The following AMD1 variants were observed in gnomAD, a reference collection of about 807,000 sequenced individuals.
The protein encoded by AMD1 is S-adenosylmethionine decarboxylase proenzyme.
AMD1 carries 11 observed loss-of-function variants against 40.2 expected under a neutral mutation model. That is an observed-to-expected ratio of 0.27 (90% CI 0.17 to 0.45). The LOEUF is 0.45. AMD1 is among the 20% of genes least tolerant of loss of function. AMD1 has a pLI of 1.00. For missense variants in AMD1, 257 were observed against 410.2 expected (o/e 0.63, Z 3.23); for synonymous variants, 121 against 130.8 (o/e 0.93, Z 0.51).
At chr6:110,815,253 G>GCA in the AMD1 span, 2 of 1,180,654 alleles carry the variant, frequency 1.7e-6, no homozygotes. Flanking sequence ...GCGCGCGCGC[G>GCA]CGCGCCGCCC....
the AMD1 span, among the ~76,000 whole-genome samples, chr6:110,845,610 A>T: frequency 6.6e-6 from 1 of 152,230 alleles, no homozygotes; most frequent in African/African-American, 2.4e-5. Context: ...CTGTTGGGTC[A>T]TTAAACTCCT....
At chr6:110,821,135 A>G in the AMD1 span, among the ~76,000 whole-genome samples, 2 of 152,342 alleles carry the variant, frequency 1.3e-5, no homozygotes, top group African/African-American at 4.8e-5. Context: ...AGAGAACTTC[A>G]GAGAATAGCC....
the AMD1 span, among the ~76,000 whole-genome samples, chr6:110,844,369 G>T: frequency 1.2e-4 from 18 of 151,268 alleles, no homozygotes; most frequent in Non-Finnish European, 2.2e-4. Flanking sequence ...TGTTGGTCTC[G>T]CTGGTCTCAA....
chr6:110,874,898 C>T lies in AMD1; in HGVS notation c.-208C>T, dbSNP rs1785014023. ...TCTGCCTCTATTTCCAAAAGACTCA[C>T]GTTCAACTTTCGCTCACACAAAGCC... On this transcript the variant is annotated 5_prime_UTR_variant, in exon 1 of 9. It adds an upstream start codon to the 5' untranslated region. Transcript: ENST00000368885. 2 of 554,958 alleles carry T rather than the reference C, an allele frequency of 3.6e-6. No homozygotes were observed. Among genetic ancestry groups the T allele is most frequent in the Non-Finnish European group, 6.4e-6 (2 of 312,322 alleles). 34.4% of individuals were successfully genotyped at this position (554,958 alleles called of 1,614,324 possible).
chr6:110,855,089 T>TTTTTTTTTTTTTA, the AMD1 span, among the ~76,000 whole-genome samples: 3 of 146,896 alleles, frequency 2.0e-5, no homozygotes, highest in Non-Finnish European at 3.0e-5. Flanking sequence ...TTTTTTTTTT[T>TTTTTTTTTTTTTA]GAGAGAATTG....
chr6:110,821,050 C>T, the AMD1 span, among the ~76,000 whole-genome samples: 2 of 152,148 alleles, frequency 1.3e-5, no homozygotes, highest in African/African-American at 2.4e-5. Flanking sequence ...TTTTAATCTT[C>T]GCTGGTTAAT....
rs145532276 is a variant in AMD1, at chr6:110,882,255, G to T, written c.111-5250G>T. On this transcript the variant is annotated intron_variant, in intron 1 of 8. Coordinates refer to ENST00000368885, the MANE Select transcript of AMD1 (RefSeq NM_001634.6). ...CTCTGTCGACTGTATAAAGCACTTT[G>T]TCTTTTCCATCATTAATTTGATCAG... Among the ~76,000 whole-genome samples the T allele has an allele frequency of 7.9e-5, 12 of 152,282 alleles. No homozygotes were observed. In the East Asian group the frequency reaches 1.9e-3, roughly 24 times the overall value.
chr6:110,865,453 G>T, the AMD1 span, among the ~76,000 whole-genome samples: 1 of 152,178 alleles, frequency 6.6e-6, no homozygotes, highest in Admixed American at 6.5e-5. Context: ...AAGCACAGTG[G>T]CGTGATCTTG....
Position 110,893,459 on chromosome 6 carries a change from T to C in AMD1, c.865-17T>C. The C allele has an allele frequency of 1.2e-6, 2 of 1,612,248 alleles. No homozygotes were observed. Among genetic ancestry groups the C allele is most frequent in the Non-Finnish European group, 1.7e-6 (2 of 1,179,300 alleles). On this transcript the variant is annotated splice_polypyrimidine_tract_variant and intron_variant, in intron 8 of 8. Coordinates refer to ENST00000368885, the MANE Select transcript of AMD1 (RefSeq NM_001634.6). ...CTGGATTGCAAACACTAACGGTTAT[T>C]TAATTTTTTCCCCCAGAGTTCTAAA...
At chr6:110,815,273 C>A in the AMD1 span, 9 of 1,028,196 alleles carry the variant, frequency 8.8e-6, no homozygotes, top group Non-Finnish European at 1.2e-5. Context: ...CGCCGCCCGC[C>A]GCTCCGCGGT....
At chr6:110,861,495 G>C in the AMD1 span, among the ~76,000 whole-genome samples, 3 of 151,814 alleles carry the variant, frequency 2.0e-5, no homozygotes. Context: ...CTGCACTCCA[G>C]CCTGGGCAAC....
intron 4 of AMD1, 53 bp downstream of exon 4, chr6:110,890,409 A>G (rs1011512501): frequency 3.2e-6 from 4 of 1,259,654 alleles, no homozygotes; most frequent in Non-Finnish European, 3.4e-6. Context: ...AGAAAGTGCA[A>G]CCTCAGAGAT....
Position 110,887,533 on chromosome 6 carries a change from G to A in AMD1, c.139G>A (p.Val47Met), listed in dbSNP as rs759978656. The A allele has an allele frequency of 6.2e-7, 1 of 1,609,522 alleles. No individual in the cohort carries two copies. The highest frequency in any genetic ancestry group is 8.5e-7 in the Non-Finnish European group (1 of 1,178,384). ...TGAGTGGGACATACTTTTGAAGGATGTGCAATGTTCAATCATAAGTGTGAC... is the reference window on the plus strand; with the variant it reads ...TGAGTGGGACATACTTTTGAAGGATATGCAATGTTCAATCATAAGTGTGAC... ...RSEWDILLKDVQCSIISVTKT... is the reference protein window; with the variant it reads ...RSEWDILLKDMQCSIISVTKT... The change falls in exon 2 of 9, where the codon GTG becomes ATG. Residue 47 changes from valine to methionine, a missense_variant. Val to Met is a conservative substitution (Grantham distance 21). Transcript: ENST00000368885.
At position 110,893,777 on chromosome 6, in the gene AMD1, A is replaced by T; in HGVS notation, c.*161A>T. The T allele has an allele frequency of 1.3e-6, 1 of 745,114 alleles. No homozygotes were observed. Among genetic ancestry groups the T allele is most frequent in the Non-Finnish European group, 2.1e-6 (1 of 477,562 alleles). 46.2% of individuals were successfully genotyped at this position (745,114 alleles called of 1,614,324 possible). A position where few individuals can be genotyped will look rare whatever the true frequency, so the allele number is the denominator to read the frequency against. ...AGTGTAATCATTTTGAATTGTATGCATTATTATATCAAGGAGTTAGATATC... is the reference window on the plus strand; with the variant it reads ...AGTGTAATCATTTTGAATTGTATGCTTTATTATATCAAGGAGTTAGATATC... On this transcript the variant is annotated 3_prime_UTR_variant, in exon 9 of 9. Transcript: ENST00000368885.
the AMD1 span, among the ~76,000 whole-genome samples, chr6:110,864,646 C>T: frequency 6.6e-6 from 1 of 152,276 alleles, no homozygotes; most frequent in African/African-American, 2.4e-5. Flanking sequence ...ATCATGGGGT[C>T]GGACCCCAAC....
At chr6:110,861,466 C>A in the AMD1 span, among the ~76,000 whole-genome samples, 2 of 139,846 alleles carry the variant, frequency 1.4e-5, no homozygotes, top group Non-Finnish European at 3.1e-5. Flanking sequence ...AGAGGTTGCA[C>A]TGAGCCGAGA....
At chr6:110,841,059 G>C in the AMD1 span, among the ~76,000 whole-genome samples, 2 of 151,980 alleles carry the variant, frequency 1.3e-5, no homozygotes, top group South Asian at 4.1e-4. Context: ...TATTGCCCAG[G>C]CTGGAGTGCA....
the AMD1 span, among the ~76,000 whole-genome samples, chr6:110,847,385 C>T: frequency 3.3e-5 from 5 of 150,852 alleles, no homozygotes; most frequent in Non-Finnish European, 7.4e-5. Context: ...ATTAGCCGGG[C>T]ATGGTGGTGG....
At chr6:110,841,224 T>C in the AMD1 span, among the ~76,000 whole-genome samples, 1 of 152,176 alleles carries the variant, frequency 6.6e-6, no homozygotes, top group East Asian at 1.9e-4. Flanking sequence ...CTATAGAAAG[T>C]AAAAAGTTCC....
Sources: allele counts gnomAD v4.1 joint callset (sites outside exome capture counted in the v4.1 genomes callset), GRCh38; gene constraint gnomAD v4.1.1; transcripts MANE v1.5; gene names NCBI Gene and HGNC (gene_info 2026-07-23, HGNC 2026-07-21).